The following SYNE2 variants were observed in gnomAD, a reference collection of about 807,000 sequenced individuals.
SYNE2 encodes spectrin repeat containing nuclear envelope protein 2.
Under a neutral mutation model 856.3 loss-of-function variants are expected in SYNE2, and 431 were observed. The observed-to-expected ratio is 0.50, with a 90% CI of 0.47 to 0.55. SYNE2 has a LOEUF of 0.55. Ranked by LOEUF, SYNE2 falls within the 20% of genes least tolerant of loss-of-function variation. SYNE2 has a pLI of 0.00. For synonymous variants in SYNE2, 2,923 were observed against 2,872.3 expected (o/e 1.02, Z -0.56); for missense variants, 8,129 against 8,023.2 (o/e 1.01, Z -0.50).
At chr14:64,006,937 A>G (rs2096800816) in intron 30 of SYNE2, 106 bp from the exon 31 acceptor site, 1 of 869,880 alleles carries the variant, frequency 1.1e-6, no homozygotes, top group South Asian at 1.4e-5. Context: ...GGCATTAACC[A>G]CATGAGGACA....
At chr14:63,776,764 C>G (rs1887122794) in intron 1 of SYNE2, among the ~76,000 whole-genome samples, 1 of 151,932 alleles carries the variant, frequency 6.6e-6, no homozygotes, top group African/African-American at 2.4e-5. Context: ...CACCACCCAG[C>G]TAATTTTTGT....
In SYNE2 at chr14:63,977,934, G is replaced by C; in HGVS notation, c.1323G>C (p.Ser441=). The change falls in exon 13 of 116, where the codon TCG becomes TCC. Residue 441 remains serine, a synonymous_variant. Transcript: ENST00000555002. ...KSLMDRFEHH[S]NILLTFENKD... The stretch of plus-strand genomic sequence containing the variant: ...TGATGGATAGATTTGAGCATCATTC[G>C]AACATTCTCCTTACCTTTGAAAATA... 1 of 1,613,678 alleles carries C rather than the reference G, an allele frequency of 6.2e-7. No individual in the cohort carries two copies. Among genetic ancestry groups the C allele is most frequent in the Non-Finnish European group, 8.5e-7 (1 of 1,179,746 alleles).
rs373702093 is a variant in SYNE2, at chr14:64,125,180, G to A, written c.13524G>A (p.Leu4508=). The stretch of plus-strand genomic sequence containing the variant: ...CCTATACCACCCAACTTGAAGACCT[G>A]CGCCAAGAAGCAAGTAACCTTCAGA... ...LKTYTTQLED[L]RQEASNLQTQ... The change falls in exon 71 of 116, where the codon CTG becomes CTA. Residue 4508 remains leucine, a synonymous_variant. Transcript: ENST00000555002. The A allele has an allele frequency of 3.7e-6, 6 of 1,613,972 alleles. No homozygotes were observed. The highest frequency in any genetic ancestry group is 1.3e-5 in the African/African-American group (1 of 74,880).
At chr14:64,172,705 G>A (rs2098416702) in intron 94 of SYNE2, among the ~76,000 whole-genome samples, 1 of 152,108 alleles carries the variant, frequency 6.6e-6, no homozygotes, top group Non-Finnish European at 1.5e-5. Flanking sequence ...GCCGAGGTGG[G>A]AGGATCCCTT....
intron 1 of SYNE2, among the ~76,000 whole-genome samples, chr14:63,868,097 C>G (rs1285347179): frequency 6.6e-6 from 1 of 151,462 alleles, no homozygotes. Context: ...TTGCAGTTAA[C>G]TGGCAAACTT....
chr14:64,222,046 C>G (rs2098696823), intron 112 of SYNE2, among the ~76,000 whole-genome samples: 1 of 152,196 alleles, frequency 6.6e-6, no homozygotes, highest in South Asian at 2.1e-4. Flanking sequence ...TTGCTTCACA[C>G]CTGTGATGAG....
chr14:63,785,512 G>C (rs991489063), intron 1 of SYNE2, among the ~76,000 whole-genome samples: 2 of 152,010 alleles, frequency 1.3e-5, no homozygotes, highest in Non-Finnish European at 2.9e-5. Context: ...TTCATATCCA[G>C]AATCTATTAG....
At chr14:64,087,026 C>T (rs1420931074) in intron 57 of SYNE2, among the ~76,000 whole-genome samples, 2 of 134,328 alleles carry the variant, frequency 1.5e-5, no homozygotes, top group Non-Finnish European at 3.1e-5. Flanking sequence ...ACATTTCTTG[C>T]ATGTATACTG....
At chr14:63,948,782 G>GTGTATATA (rs1454688156) in intron 6 of SYNE2, among the ~76,000 whole-genome samples, 57 of 43,884 alleles carry the variant, frequency 1.3e-3, no homozygotes, top group African/African-American at 2.1e-3. Flanking sequence ...ATGTGTGTGT[G>GTGTATATA]TATATATATA....
intron 35 of SYNE2, 102 bp downstream of exon 35, chr14:64,020,195 AAAG>A (rs1380031291): frequency 3.7e-6 from 3 of 818,696 alleles, no homozygotes; most frequent in Non-Finnish European, 6.1e-6. Context: ...CCTGTCTCTA[AAAG>A]AAGAAAAAAA....
chr14:63,782,300 C>A (rs185046855), intron 1 of SYNE2, among the ~76,000 whole-genome samples: 40 of 151,332 alleles, frequency 2.6e-4, no homozygotes, highest in Admixed American at 2.1e-3. Context: ...ATGGTGAAAC[C>A]CTGTTGAAAA....
Position 64,101,918 on chromosome 14 carries a change from G to T in SYNE2, c.12382-14G>T, listed in dbSNP as rs77622144. On this transcript the variant is annotated splice_polypyrimidine_tract_variant and intron_variant, in intron 63 of 115. Coordinates refer to ENST00000555002, the MANE Select transcript of SYNE2 (RefSeq NM_182914.3). ...AAGCTCTTCCCTTTGCTAACCAATC[G>T]TTTACTGTGATAGAATGGAGATGAG... The T allele has an allele frequency of 0.016, 25,991 of 1,600,096 alleles. 878 individuals carry two copies. The highest frequency in any genetic ancestry group is 0.11 in the East Asian group (5,061 of 44,778).
At chr14:64,106,178 T>G (rs1042139315) in intron 64 of SYNE2, among the ~76,000 whole-genome samples, 1 of 136,794 alleles carries the variant, frequency 7.3e-6, no homozygotes, top group Non-Finnish European at 1.6e-5. Context: ...ATATTGTCAG[T>G]CTTAGCCAAA....
intron 45 of SYNE2, among the ~76,000 whole-genome samples, chr14:64,040,361 A>G (rs1167282077): frequency 1.3e-5 from 2 of 152,046 alleles, no homozygotes; most frequent in African/African-American, 4.8e-5. Context: ...GAAGAAATTG[A>G]AATCATAAGG....
In SYNE2 at chr14:64,034,581, G is replaced by A. The variant is rs767854734; in HGVS notation, c.7221+3224G>A. On this transcript the variant is annotated intron_variant, in intron 45 of 115. Coordinates refer to ENST00000555002, the MANE Select transcript of SYNE2 (RefSeq NM_182914.3). ...ATCCATTGTCAAGAATTTCATTTCA[G>A]ATGAAATGCAGGTGATTTTGTAGAT... is the stretch of plus-strand genomic sequence containing the variant. The A allele has an allele frequency of 9.2e-6, 5 of 545,940 alleles. No individual in the cohort carries two copies. In the South Asian group the frequency reaches 1.1e-4, roughly 12 times the overall value. 33.8% of individuals were successfully genotyped at this position (545,940 alleles called of 1,614,324 possible). A position where few individuals can be genotyped will look rare whatever the true frequency, so the allele number is the denominator to read the frequency against.
intron 94 of SYNE2, chr14:64,173,973 C>A: frequency 1.4e-6 from 1 of 691,644 alleles, no homozygotes; most frequent in East Asian, 2.7e-5. Flanking sequence ...ACACTGCCTG[C>A]GGAGCGGCCC....
At chr14:63,811,242 A>G (rs745919538) in intron 1 of SYNE2, among the ~76,000 whole-genome samples, 6 of 151,894 alleles carry the variant, frequency 4.0e-5, no homozygotes, top group Non-Finnish European at 8.8e-5. Context: ...TTATCTTACC[A>G]AGGCTTTGAC....
intron 87 of SYNE2, among the ~76,000 whole-genome samples, chr14:64,160,941 A>C (rs1197991124): frequency 6.6e-6 from 1 of 152,214 alleles, no homozygotes; most frequent in Non-Finnish European, 1.5e-5. Context: ...GGAATTTAGC[A>C]ATTAAACTAA....
chr14:64,080,937 AG>A (rs1484260848), intron 56 of SYNE2, among the ~76,000 whole-genome samples: 1 of 152,188 alleles, frequency 6.6e-6, no homozygotes, highest in East Asian at 1.9e-4. Flanking sequence ...ATGGGAATTT[AG>A]GGCAGGTGGT....
Sources: gnomAD v4.1 joint callset for allele counts (sites outside exome capture counted in the v4.1 genomes callset) on GRCh38, gnomAD v4.1.1 for gene constraint, MANE v1.5 for transcripts, NCBI Gene and HGNC (gene_info 2026-07-23, HGNC 2026-07-21) for gene names.